Variants in CCDC171 observed in about 807,000 individuals in gnomAD.
The protein encoded by CCDC171 is coiled-coil domain-containing protein 171.
In CCDC171, 177 loss-of-function variants were observed where a neutral mutation model predicts 168.2. The ratio of observed to expected loss-of-function variants is 1.05; its 90% CI spans 0.93 to 1.19. The LOEUF (loss-of-function observed/expected upper bound fraction) is 1.19. Among genes scored for constraint, CCDC171 ranks in the 50% most tolerant of loss-of-function variants. The pLI is 0.00. For synonymous variants in CCDC171, 687 were observed against 540.8 expected (o/e 1.27, Z -3.75); for missense variants, 1,991 against 1,539.0 (o/e 1.29, Z -4.91).
chr9:16,083,517 C>T, the CCDC171 span, among the ~76,000 whole-genome samples: 1 of 152,168 alleles, frequency 6.6e-6, no homozygotes, highest in Admixed American at 6.5e-5. Flanking sequence ...TTGAGATTTT[C>T]AATAACTACC....
intron 16 of CCDC171, among the ~76,000 whole-genome samples, chr9:15,742,806 T>A (rs967477592): frequency 2.6e-5 from 4 of 152,184 alleles, no homozygotes; most frequent in African/African-American, 9.7e-5. Flanking sequence ...CAATACTTTT[T>A]TTTTTCTTTT....
chr9:15,997,417 G>A (rs771133440), intron 3 of CCDC171, among the ~76,000 whole-genome samples: 15 of 152,252 alleles, frequency 9.9e-5, no homozygotes, highest in Admixed American at 9.2e-4. Context: ...GTGAGTTAAC[G>A]GCACTTTTTG....
At chr9:15,875,481 A>G (rs901314792) in intron 24 of CCDC171, 1 of 151,966 alleles carries the variant, frequency 6.6e-6, no homozygotes. Context: ...AAAAAAGAAA[A>G]CTATCAACAT....
chr9:16,028,595 G>A (rs1165629011), intron 6 of CCDC171, among the ~76,000 whole-genome samples: 1 of 152,110 alleles, frequency 6.6e-6, no homozygotes, highest in African/African-American at 2.4e-5. Context: ...TCTAGCTCCT[G>A]TCAGTTTTGT....
At chr9:15,994,766 T>C (rs58221003) in intron 3 of CCDC171, among the ~76,000 whole-genome samples, 12,674 of 152,178 alleles carry the variant, frequency 0.083, 1,747 homozygotes, top group African/African-American at 0.29. Flanking sequence ...ACCTTGATTC[T>C]GAACTATTTT....
intron 7 of CCDC171, among the ~76,000 whole-genome samples, chr9:15,638,955 T>C (rs904915227): frequency 6.6e-6 from 1 of 152,044 alleles, no homozygotes; most frequent in Admixed American, 6.6e-5. Flanking sequence ...GCAAACCTAA[T>C]TCTGAGAGAA....
chr9:15,750,373 C>G (rs1210817911), intron 18 of CCDC171, among the ~76,000 whole-genome samples: 1 of 152,086 alleles, frequency 6.6e-6, no homozygotes, highest in South Asian at 2.1e-4. Context: ...TATTCACAGC[C>G]GAATTCTACC....
At chr9:15,694,687 A>G (rs143265509) in intron 10 of CCDC171, among the ~76,000 whole-genome samples, 3 of 152,176 alleles carry the variant, frequency 2.0e-5, no homozygotes, top group Admixed American at 6.5e-5. Context: ...GTCTAACCCA[A>G]TGCAGTTTTA....
chr9:15,883,527 C>T (rs1194028430), intron 24 of CCDC171, among the ~76,000 whole-genome samples: 3 of 152,170 alleles, frequency 2.0e-5, no homozygotes, highest in Non-Finnish European at 4.4e-5. Flanking sequence ...TATCTTACAT[C>T]TTGCATCCTG....
chr9:15,682,939 C>G (rs76555655), intron 10 of CCDC171, among the ~76,000 whole-genome samples: 1 of 151,974 alleles, frequency 6.6e-6, no homozygotes, highest in African/African-American at 2.4e-5. Context: ...TGAGGCTCAA[C>G]AGATCCAGCT....
chr9:15,666,338 G>A lies in CCDC171; in HGVS notation c.1076+15G>A. 6.4e-7 allele frequency: 1 copy of A among 1,567,424 alleles called. No individual in the cohort carries two copies. Among genetic ancestry groups the A allele is most frequent in the Non-Finnish European group, 8.7e-7 (1 of 1,147,560 alleles). ...AAACTAAATTTGTAAGTATTCTATT[G>A]TAAAATTCTCTAAATTAACATAAAG... On this transcript the variant is annotated intron_variant, in intron 9 of 25. Coordinates refer to ENST00000380701, the MANE Select transcript of CCDC171 (RefSeq NM_173550.4).
rs1392849122 is a variant in CCDC171 at position 15,626,495 on chromosome 9, C to G, written c.822+3082C>G. 4.6e-5 allele frequency among the ~76,000 whole-genome samples: 7 copies of G among 152,068 alleles called. No homozygotes were observed. The East Asian group carries it at 9.6e-4, about 21-fold the overall frequency. On this transcript the variant is annotated intron_variant, in intron 7 of 25. Coordinates refer to ENST00000380701, the MANE Select transcript of CCDC171 (RefSeq NM_173550.4). ...TGTTTTGATATACATCCCATCAATA[C>G]CTAGTTTATTGAGAGTTTTTAGCAT...
chr9:15,656,033 A>C (rs2132918863), intron 7 of CCDC171, among the ~76,000 whole-genome samples: 1 of 152,296 alleles, frequency 6.6e-6, no homozygotes, highest in African/African-American at 2.4e-5. Flanking sequence ...CATAATATTC[A>C]ATATGGCTGG....
At chr9:15,797,036 C>T (rs1306897746) in intron 21 of CCDC171, among the ~76,000 whole-genome samples, 1 of 152,192 alleles carries the variant, frequency 6.6e-6, no homozygotes, top group Non-Finnish European at 1.5e-5. Context: ...ATTTGCTTCA[C>T]ATCCTGGTGA....
intron 24 of CCDC171, among the ~76,000 whole-genome samples, chr9:15,879,890 C>G (rs924742857): frequency 2.0e-5 from 3 of 152,156 alleles, no homozygotes; most frequent in Non-Finnish European, 2.9e-5. Flanking sequence ...TACACATTCT[C>G]CAATTGCCCC....
intron 3 of CCDC171, among the ~76,000 whole-genome samples, chr9:16,005,648 CTT>C (rs1281274523): frequency 3.9e-5 from 6 of 152,268 alleles, no homozygotes; most frequent in Non-Finnish European, 7.4e-5. Context: ...CAACTATTGA[CTT>C]AGCGTTACAT....
intron 23 of CCDC171, among the ~76,000 whole-genome samples, chr9:15,857,659 G>C (rs1260511652): frequency 1.3e-5 from 2 of 151,928 alleles, no homozygotes; most frequent in African/African-American, 4.8e-5. Context: ...CTGTCCTCAA[G>C]TTATCCACCC....
intron 24 of CCDC171, among the ~76,000 whole-genome samples, chr9:15,915,885 C>G (rs141560864): frequency 6.6e-5 from 10 of 152,006 alleles, no homozygotes; most frequent in Non-Finnish European, 1.2e-4. Flanking sequence ...GGTTTTTGTC[C>G]TTAATTCTGT....
intron 18 of CCDC171, among the ~76,000 whole-genome samples, chr9:15,764,185 C>G (rs1427489096): frequency 6.6e-6 from 1 of 152,192 alleles, no homozygotes; most frequent in East Asian, 1.9e-4. Context: ...GGGTTAACAC[C>G]TGCACCCACA....
Sources: allele counts gnomAD v4.1 joint callset (sites outside exome capture counted in the v4.1 genomes callset), GRCh38; gene constraint gnomAD v4.1.1; transcripts MANE v1.5; gene names NCBI Gene and HGNC (gene_info 2026-07-23, HGNC 2026-07-21).